RASSF3: variants seen among roughly 807,000 people sequenced by gnomAD.
RASSF3 encodes the protein ras association domain-containing protein 3.
A neutral mutation model predicts 19.9 loss-of-function variants in RASSF3; 19 were observed. That is an observed-to-expected ratio of 0.96 (90% confidence interval 0.67 to 1.40). The LOEUF is 1.40. RASSF3 is among the 40% of genes most tolerant of loss of function. The pLI is 0.00. For synonymous variants in RASSF3, 110 were observed against 104.2 expected, an observed-to-expected ratio of 1.06 and a Z score of -0.34; for missense variants, 306 against 289.8, an observed-to-expected ratio of 1.06 and a Z score of -0.41.
intron 1 of RASSF3, among the ~76,000 whole-genome samples, chr12:64,665,687 T>G (rs1225924050): frequency 2.6e-5 from 4 of 152,218 alleles, no homozygotes; most frequent in African/African-American, 9.7e-5. Context: ...ACCTGCCCTC[T>G]TAATTTGCAT....
chr12:64,652,514 T>G (rs1871997336), intron 1 of RASSF3, among the ~76,000 whole-genome samples: 1 of 150,528 alleles, frequency 6.6e-6, no homozygotes, highest in Non-Finnish European at 1.5e-5. Context: ...TGGACCAGGC[T>G]TGGCTCGAGG....
At chr12:64,563,025 A>G (rs1869373073) in intron 2 of RASSF3, among the ~76,000 whole-genome samples, 1 of 152,122 alleles carries the variant, frequency 6.6e-6, no homozygotes, top group Admixed American at 6.6e-5. Flanking sequence ...ACTTCTCTCT[A>G]TGCCCACAGC....
intron 2 of RASSF3, among the ~76,000 whole-genome samples, chr12:64,568,999 T>G (rs1869476576): frequency 6.6e-6 from 1 of 152,194 alleles, no homozygotes; most frequent in Non-Finnish European, 1.5e-5. Flanking sequence ...CGTGAGCCAC[T>G]GTGCCCAGCC....
At chr12:64,610,409 C>G (rs1565848845), upstream of RASSF3, 1 of 156,706 alleles carries the variant, frequency 6.4e-6, no homozygotes, top group Non-Finnish European at 1.4e-5. Context: ...CGGGGCGGGG[C>G]CCAGGGAGGC....
At chr12:64,641,521 G>T (rs7971636) in intron 1 of RASSF3, among the ~76,000 whole-genome samples, 65,697 of 151,048 alleles carry the variant, frequency 0.43, 14,552 homozygotes, top group African/African-American at 0.49. Context: ...TCCAGCTGGG[G>T]GTGGTGGCTC....
chr12:64,538,175 G>A (rs1868869698), intron 1 of RASSF3, among the ~76,000 whole-genome samples: 2 of 151,948 alleles, frequency 1.3e-5, no homozygotes, highest in Admixed American at 1.3e-4. Context: ...ATTTTTTGTA[G>A]AGATGGGATC....
intron 2 of RASSF3, among the ~76,000 whole-genome samples, chr12:64,687,453 T>TTCTTG (rs963683604): frequency 3.3e-5 from 5 of 151,900 alleles, no homozygotes; most frequent in Non-Finnish European, 7.4e-5. Flanking sequence ...AATTTGTTTT[T>TTCTTG]TTTTGTTTTG....
chr12:64,612,723 G>T (rs377125063), intron 1 of RASSF3, among the ~76,000 whole-genome samples: 2 of 151,964 alleles, frequency 1.3e-5, no homozygotes, highest in African/African-American at 4.8e-5. Flanking sequence ...TAATCTGCCC[G>T]CCTTGGCCTC....
intron 2 of RASSF3, among the ~76,000 whole-genome samples, chr12:64,582,101 C>T (rs1032817886): frequency 6.6e-6 from 1 of 152,146 alleles, no homozygotes; most frequent in African/African-American, 2.4e-5. Context: ...GATCCTCTCA[C>T]CTCGGCCTCC....
At chr12:64,641,867 C>T (rs1871546873) in intron 1 of RASSF3, among the ~76,000 whole-genome samples, 6 of 151,362 alleles carry the variant, frequency 4.0e-5, no homozygotes, top group Admixed American at 2.0e-4. Context: ...CTCAGCCTCC[C>T]GAGTAGCTGG....
intron 3 of RASSF3, among the ~76,000 whole-genome samples, chr12:64,689,154 C>G (rs1307918895): frequency 1.3e-5 from 2 of 151,746 alleles, no homozygotes; most frequent in Non-Finnish European, 1.5e-5. Context: ...CAGGCAGTGA[C>G]CAGAAATTGA....
intron 2 of RASSF3, among the ~76,000 whole-genome samples, chr12:64,555,962 G>T (rs1322709840): frequency 6.6e-6 from 1 of 152,176 alleles, no homozygotes; most frequent in South Asian, 2.1e-4. Flanking sequence ...CATAGGTTGG[G>T]TCATCAAAGA....
chr12:64,564,084 T>C (rs1299446750), intron 2 of RASSF3, among the ~76,000 whole-genome samples: 1 of 152,216 alleles, frequency 6.6e-6, no homozygotes, highest in Non-Finnish European at 1.5e-5. Flanking sequence ...CTAATGTCAT[T>C]GCGGATTTTG....
rs181958428 is a variant in RASSF3 at position 64,657,283 on chromosome 12, G to T, written c.112-27504G>T. 3.3e-3 allele frequency among the ~76,000 whole-genome samples: 495 copies of T among 152,236 alleles called. 5 individuals are homozygous for T. Among genetic ancestry groups the T allele is most frequent in the African/African-American group, 0.012 (478 of 41,550 alleles). On this transcript the variant is annotated intron_variant, in intron 1 of 4. Transcript: ENST00000542104. ...CACCCGCAAAGTGCTGGGATTACAG[G>T]GGTGAGCCACCACGCTGGGCGATAC...
chr12:64,584,415 G>C (rs1869756721), intron 2 of RASSF3, among the ~76,000 whole-genome samples: 1 of 140,010 alleles, frequency 7.1e-6, no homozygotes, highest in Non-Finnish European at 1.5e-5. Context: ...TATCACCCTT[G>C]TTTTCCATAC....
downstream of RASSF3, among the ~76,000 whole-genome samples, chr12:64,546,181 T>C (rs917695829): frequency 1.3e-5 from 2 of 151,552 alleles, no homozygotes; most frequent in Admixed American, 6.6e-5. Flanking sequence ...GTGATAATGA[T>C]ACGTACTTCA....
intron 2 of RASSF3, among the ~76,000 whole-genome samples, chr12:64,686,388 A>G (rs572897805): frequency 6.6e-6 from 1 of 152,242 alleles, no homozygotes; most frequent in East Asian, 1.9e-4. Context: ...CGAGGTGGGC[A>G]GATCACGAGG....
intron 1 of RASSF3, among the ~76,000 whole-genome samples, chr12:64,516,998 CAAA>C (rs371430838): frequency 3.8e-5 from 2 of 51,972 alleles, no homozygotes; most frequent in African/African-American, 6.9e-5. Flanking sequence ...AAATCTGTCT[CAAA>C]AAAAAAAAAA....
At chr12:64,529,728 T>C (rs1483555148), upstream of RASSF3, among the ~76,000 whole-genome samples, 2 of 152,168 alleles carry the variant, frequency 1.3e-5, no homozygotes, top group Non-Finnish European at 1.5e-5. Context: ...TCTATTGAGA[T>C]AGATTTCTTA....
Sources: allele counts gnomAD v4.1 joint callset (sites outside exome capture counted in the v4.1 genomes callset), GRCh38; gene constraint gnomAD v4.1.1; transcripts MANE v1.5; gene names NCBI Gene and HGNC (gene_info 2026-07-23, HGNC 2026-07-21).